The following NOS3 variants were observed in gnomAD, a reference collection of about 807,000 sequenced individuals.
NOS3 encodes NOS type III.
NOS3 carries 98 observed loss-of-function variants against 144.9 expected under a neutral mutation model. The ratio of observed to expected loss-of-function variants is 0.68; its 90% CI spans 0.57 to 0.80. NOS3 has a LOEUF of 0.80. Among genes scored for constraint, NOS3 ranks in the 30% least tolerant of loss-of-function variants. The pLI is 0.00. For synonymous variants in NOS3, 714 were observed against 702.4 expected, an observed-to-expected ratio of 1.02 and a Z score of -0.26; for missense variants, 1,465 against 1,656.4, an observed-to-expected ratio of 0.88 and a Z score of 2.01.
Position 151,003,824 on chromosome 7 carries a change from C to A in NOS3, c.1752+1520C>A. ...ATTTCACTCATTCTGCTGCTGAGTG[C>A]CGTTCATTGTGTGAATATCCCCAGT... On this transcript the variant is annotated intron_variant, in intron 14 of 26. Transcript: ENST00000297494. This position sits in a 1 kb window ranked among gnomAD's most constrained non-coding sequence, Gnocchi z 4.1. 1 of 436,460 alleles carries A rather than the reference C, an allele frequency of 2.3e-6. No homozygotes were observed. Among genetic ancestry groups the A allele is most frequent in the Non-Finnish European group, 4.8e-6 (1 of 210,046 alleles). 27.0% of individuals were successfully genotyped at this position (436,460 alleles called of 1,614,324 possible).
Position 151,003,220 on chromosome 7 carries a change from G to C in NOS3, c.1752+916G>C. 1 of 452,794 alleles carries C rather than the reference G, an allele frequency of 2.2e-6. No homozygotes were observed. Among genetic ancestry groups the C allele is most frequent in the South Asian group, 1.6e-5 (1 of 64,230 alleles). 28.0% of individuals were successfully genotyped at this position (452,794 alleles called of 1,614,324 possible). A position where few individuals can be genotyped will look rare whatever the true frequency, so the allele number is the denominator to read the frequency against. On this transcript the variant is annotated intron_variant, in intron 14 of 26. Transcript: ENST00000297494. This position sits in a 1 kb window ranked among gnomAD's most constrained non-coding sequence, Gnocchi z 4.1. ...GGCTCACTGCAGCCTCAACCTCCTA[G>C]ACTCAAGCAATCCTCCCACTTCAAC... is the stretch of plus-strand genomic sequence containing the variant.
Position 150,996,438 on chromosome 7 carries a change from C to G in NOS3, c.305C>G (p.Ser102Cys). Residue 102 changes from serine to cysteine, a missense_variant, in exon 4 of 27, where the codon TCC (serine) becomes TGC (cysteine). By Grantham distance (112) the Ser-to-Cys change is moderately radical (BLOSUM62 -1). Coordinates refer to ENST00000297494, the MANE Select transcript of NOS3 (RefSeq NM_000603.5). The stretch of plus-strand genomic sequence containing the variant: ...TGCACCCCAAGACGCTGCCTGGGCT[C>G]CCTGGTATTTCCACGGAAACTACAG... ...GPCTPRRCLGSLVFPRKLQGR... is the reference protein window; with the variant it reads ...GPCTPRRCLGCLVFPRKLQGR... The G allele has an allele frequency of 1.3e-6, 2 of 1,557,980 alleles. No homozygotes were observed. The highest frequency in any genetic ancestry group is 1.7e-6 in the Non-Finnish European group (2 of 1,154,224).
In NOS3 at chr7:151,003,939, G is replaced by A. The variant is rs1563224179; in HGVS notation, c.1752+1635G>A. 9 of 329,682 alleles carry A rather than the reference G, an allele frequency of 2.7e-5. No homozygotes were observed. The highest frequency in any genetic ancestry group is 2.1e-4 in the South Asian group (9 of 42,352). 20.4% of individuals were successfully genotyped at this position (329,682 alleles called of 1,614,324 possible). ...ACCTGTTATGAACATTCTTGTACCCGGCTTTTGTGGGCTTATGTTTTTATT... is the reference window on the plus strand; with the variant it reads ...ACCTGTTATGAACATTCTTGTACCCAGCTTTTGTGGGCTTATGTTTTTATT... On this transcript the variant is annotated intron_variant, in intron 14 of 26. Transcript: ENST00000297494. The surrounding 1 kb of genome is among the most constrained non-coding windows in gnomAD (Gnocchi z 4.1).
chr7:150,999,028 C>T lies in NOS3; in HGVS notation c.899C>T (p.Pro300Leu). 6.2e-7 allele frequency: 1 copy of T among 1,612,634 alleles called. No individual in the cohort carries two copies. Among genetic ancestry groups the T allele is most frequent in the Non-Finnish European group, 8.5e-7 (1 of 1,179,902 alleles). The change falls in exon 8 of 27, where the codon CCA (proline) becomes CTA (leucine). Residue 300 changes from proline to leucine, a missense_variant. Pro to Leu is a moderately conservative substitution (Grantham distance 98, BLOSUM62 -3). Transcript: ENST00000297494. ...PLLLQAPDDP[P>L]ELFLLPPELV... ...CTGCTGCAGGCCCCAGATGATCCCC[C>T]AGAACTCTTCCTTCTGCCCCCCGAG...
In NOS3 at chr7:151,010,933, C is replaced by T. The variant is rs1795291317; in HGVS notation, c.2931C>T (p.Ser977=). 3.1e-6 allele frequency: 5 copies of T among 1,613,990 alleles called. No individual in the cohort carries two copies. Among genetic ancestry groups the T allele is most frequent in the Non-Finnish European group, 2.5e-6 (3 of 1,179,962 alleles). Residue 977 remains serine (S), a synonymous_variant, in exon 23 of 27, where the codon TCC becomes TCT. Coordinates refer to ENST00000297494, the MANE Select transcript of NOS3 (RefSeq NM_000603.5). ...GCCCCCTGCACTATGGAGTCTGCTC[C>T]ACGTGGCTAAGCCAGCTCAAGCCCG... is the stretch of plus-strand genomic sequence containing the variant. ...GLGPLHYGVC[S]TWLSQLKPGD...
chr7:151,010,132 T>C lies in NOS3; in HGVS notation c.2530T>C (p.Trp844Arg). ...ATCCCCAGGTGGCCCTCCCCCCGGC[T>C]GGGTGCGGGACCCCCGGCTGCCCCC... ...KGSPGGPPPG[W>R]VRDPRLPPCT... The change falls in exon 21 of 27, where the codon TGG becomes CGG. Residue 844 changes from tryptophan (W) to arginine (R), a missense_variant. Trp to Arg is a moderately radical substitution (Grantham distance 101). This residue lies in a region of NOS3 where 745 missense variants were observed against 853.9 expected (regional missense o/e 0.87). Coordinates refer to ENST00000297494, the MANE Select transcript of NOS3 (RefSeq NM_000603.5). The C allele has an allele frequency of 6.2e-7, 1 of 1,605,452 alleles. No homozygotes were observed. The highest frequency in any genetic ancestry group is 8.5e-7 in the Non-Finnish European group (1 of 1,175,718).
Position 151,003,555 on chromosome 7 carries a change from G to T in NOS3, c.1752+1251G>T. 1 of 1,299,092 alleles carries T rather than the reference G, an allele frequency of 7.7e-7. No homozygotes were observed. The highest frequency in any genetic ancestry group is 1.2e-5 in the South Asian group (1 of 80,192). 80.5% of individuals were successfully genotyped at this position (1,299,092 alleles called of 1,614,324 possible). A position where few individuals can be genotyped will look rare whatever the true frequency, so the allele number is the denominator to read the frequency against. ...CAATTGACTTTTTTTTAGCATAAAG[G>T]TGTATAGACACCCATATAACCTACA... On this transcript the variant is annotated intron_variant, in intron 14 of 26. Transcript: ENST00000297494. The surrounding 1 kb of genome is among the most constrained non-coding windows in gnomAD (Gnocchi z 4.1).
At chr7:150,991,682 G>T (rs1309131200) in intron 1 of NOS3, among the ~76,000 whole-genome samples, 3 of 152,142 alleles carry the variant, frequency 2.0e-5, no homozygotes, top group Non-Finnish European at 4.4e-5. Context: ...ACAGGGACGG[G>T]CCACAGCCAG....
In NOS3 at chr7:151,001,536, C is replaced by G. The variant is rs773979312; in HGVS notation, c.1429-8C>G. 2.9e-5 allele frequency: 46 copies of G among 1,613,818 alleles called. 2 individuals carry two copies. In the South Asian group the frequency reaches 3.5e-4, roughly 12 times the overall value. ...ACCTCCCCTCCCAACCCCATCATCTCTCTGCAGCCAGACCCCTGGAAGGGG... is the reference window on the plus strand; with the variant it reads ...ACCTCCCCTCCCAACCCCATCATCTGTCTGCAGCCAGACCCCTGGAAGGGG... On this transcript the variant is annotated splice_polypyrimidine_tract_variant and splice_region_variant and intron_variant, in intron 11 of 26. Coordinates refer to ENST00000297494, the MANE Select transcript of NOS3 (RefSeq NM_000603.5).
intron 4 of NOS3, 29 bp downstream of exon 4, chr7:150,996,581 C>T (rs1323922033): frequency 2.5e-6 from 4 of 1,572,978 alleles, no homozygotes; most frequent in Non-Finnish European, 3.5e-6. Context: ...CCACAGCCTC[C>T]CTTGTCCCAC....
intron 20 of NOS3, 21 bp from the exon 21 acceptor site, chr7:151,010,094 C>A: frequency 1.3e-6 from 2 of 1,539,104 alleles, no homozygotes; most frequent in South Asian, 1.1e-5. Flanking sequence ...GTCCTCAGAG[C>A]TCCCTGTGCA....
At chr7:150,995,152 G>T (rs775883866) in intron 2 of NOS3, 51 bp from the exon 3 acceptor site, 2 of 1,088,098 alleles carry the variant, frequency 1.8e-6, no homozygotes, top group Non-Finnish European at 1.4e-6. Flanking sequence ...ATCTGGGAAG[G>T]CTGAAAGGAA....
chr7:151,013,063 G>C (rs1228262387), intron 24 of NOS3, 168 bp from the exon 25 acceptor site: 1 of 723,068 alleles, frequency 1.4e-6, no homozygotes, highest in Non-Finnish European at 2.3e-6. Flanking sequence ...GGCTGTGCAG[G>C]GTCTCTGTGA....
Position 150,998,229 on chromosome 7 carries a change from A to G in NOS3, c.583-128A>G. The G allele has an allele frequency of 6.6e-6, 5 of 752,186 alleles. No individual in the cohort carries two copies. The highest frequency in any genetic ancestry group is 3.5e-5 in the South Asian group (2 of 57,246). The allele number at this position is 752,186 out of a possible 1,614,324, so 46.6% of individuals were successfully genotyped here. A position where few individuals can be genotyped will look rare whatever the true frequency, so the allele number is the denominator to read the frequency against. On this transcript the variant is annotated intron_variant, in intron 5 of 26. Transcript: ENST00000297494. The surrounding 1 kb of genome is among the most constrained non-coding windows in gnomAD (Gnocchi z 5.0). ...CAGGAAGGGATCAGTGTGGCTGCCA[A>G]TGGTCAGGAGGGCGCCATGGAGTGA...
chr7:150,996,974 C>A, intron 5 of NOS3, 49 bp downstream of exon 5: 1 of 1,518,952 alleles, frequency 6.6e-7, no homozygotes, highest in Non-Finnish European at 8.8e-7. Context: ...AAAAGGGGAG[C>A]GGGGTGGCGG....
At chr7:151,008,537 T>TC (rs1395096614) in intron 17 of NOS3, among the ~76,000 whole-genome samples, 1 of 152,188 alleles carries the variant, frequency 6.6e-6, no homozygotes, top group Non-Finnish European at 1.5e-5. Flanking sequence ...CATTTAATCT[T>TC]CACCAGAACA....
At chr7:151,012,218 G>GTTTTTTTTTTT in intron 23 of NOS3, 133 bp from the exon 24 acceptor site, 1 of 522,030 alleles carries the variant, frequency 1.9e-6, no homozygotes, top group Non-Finnish European at 3.1e-6. Context: ...GTTGTTTTTT[G>GTTTTTTTTTTT]TTTTTTGTTT....
chr7:151,001,433 C>T lies in NOS3; in HGVS notation c.1428+8C>T. The stretch of plus-strand genomic sequence containing the variant: ...CCGGCCTTCCGCTACCAGGTGCCCA[C>T]CCTAACTGGCTCTGCCAGCCTGGGC... On this transcript the variant is annotated splice_region_variant and intron_variant, in intron 11 of 26. Transcript: ENST00000297494. The T allele has an allele frequency of 6.3e-7, 1 of 1,586,722 alleles. No homozygotes were observed. Among genetic ancestry groups the T allele is most frequent in the Non-Finnish European group, 8.6e-7 (1 of 1,164,188 alleles).
intron 14 of NOS3, among the ~76,000 whole-genome samples, chr7:151,004,260 T>G (rs1017292656): frequency 6.6e-6 from 1 of 152,164 alleles, no homozygotes. Flanking sequence ...TGCTTGAACC[T>G]GGGAGGTGGA....
Sources: gnomAD v4.1 joint callset for allele counts (sites outside exome capture counted in the v4.1 genomes callset) on GRCh38, gnomAD v4.1.1 for gene constraint, gnomAD v4.1.1 regional missense constraint, Gnocchi (gnomAD v3.1) non-coding constraint, MANE v1.5 for transcripts, NCBI Gene and HGNC (gene_info 2026-07-23, HGNC 2026-07-21) for gene names.